The following CACNA1D variants were observed in gnomAD, a reference collection of about 807,000 sequenced individuals.
CACNA1D encodes voltage-dependent L-type calcium channel subunit alpha-1D.
CACNA1D carries 55 observed loss-of-function variants against 257.1 expected under a neutral mutation model. The observed-to-expected ratio is 0.21, with a 90% confidence interval of 0.17 to 0.27. The LOEUF (loss-of-function observed/expected upper bound fraction) is 0.27. Ranked by LOEUF, CACNA1D falls within the 10% of genes least tolerant of loss-of-function variation. The probability of loss-of-function intolerance (pLI) is 1.00; values close to 1 mark genes in which losing one functional copy is unlikely to be tolerated. For missense variants in CACNA1D, 1,876 were observed against 2,784.0 expected, an observed-to-expected ratio of 0.67 and a Z score of 7.34; for synonymous variants, 980 against 1,014.9, an observed-to-expected ratio of 0.97 and a Z score of 0.65.
intron 3 of CACNA1D, among the ~76,000 whole-genome samples, chr3:53,629,257 G>T (rs569898060): frequency 2.2e-4 from 33 of 152,362 alleles, no homozygotes; most frequent in Non-Finnish European, 3.5e-4. Context: ...GTTGAATTTA[G>T]CCCAAGATGG....
At chr3:53,745,241 C>CT (rs59246445) in intron 23 of CACNA1D, among the ~76,000 whole-genome samples, 20,548 of 144,356 alleles carry the variant, frequency 0.14, 2,325 homozygotes, top group African/African-American at 0.32. Flanking sequence ...AGCATTTCTT[C>CT]TTTTTTTTTT....
In CACNA1D at chr3:53,718,345, G is replaced by T; in HGVS notation, c.1435G>T (p.Val479Phe). The change falls in exon 10 of 48, where the codon GTC becomes TTC. Residue 479 changes from valine (V) to phenylalanine (F), a missense_variant. Transcript: ENST00000350061. ...SETESVNTEN[V>F]SGEGENRGCC... is the part of the protein sequence containing the mutation. Reference sequence around the variant, plus strand: ...GACTGAGTCTGTGAACACAGAGAACGTCAGCGGTGAAGGCGAGAACCGAGG... The same window carrying T: ...GACTGAGTCTGTGAACACAGAGAACTTCAGCGGTGAAGGCGAGAACCGAGG... 1 of 1,614,210 alleles carries T rather than the reference G, an allele frequency of 6.2e-7. No individual in the cohort carries two copies. The highest frequency in any genetic ancestry group is 8.5e-7 in the Non-Finnish European group (1 of 1,180,016).
intron 8 of CACNA1D, 60 bp from the exon 9 acceptor site, chr3:53,702,581 C>G (rs760539373): frequency 1.5e-4 from 239 of 1,558,760 alleles, no homozygotes; most frequent in Non-Finnish European, 2.0e-4. Context: ...AGGGCAGTGG[C>G]TCAGGATGCA....
chr3:53,761,930 CT>C (rs1263558866), intron 29 of CACNA1D, 67 bp from the exon 30 acceptor site: 12 of 1,129,236 alleles, frequency 1.1e-5, no homozygotes, highest in South Asian at 7.4e-5. Context: ...GGATTCGCCC[CT>C]ATACGGTCCG....
chr3:53,778,574 A>T (rs79221851), intron 37 of CACNA1D, among the ~76,000 whole-genome samples: 5,831 of 152,346 alleles, frequency 0.038, 171 homozygotes, highest in Middle Eastern at 0.099. Flanking sequence ...AAATATTATC[A>T]ACATCACCAT....
At chr3:53,627,520 A>G (rs1576148870) in intron 3 of CACNA1D, among the ~76,000 whole-genome samples, 1 of 144,852 alleles carries the variant, frequency 6.9e-6, no homozygotes, top group Non-Finnish European at 1.5e-5. Context: ...TAGGAAGGGG[A>G]CCTCCCTCTA....
intron 22 of CACNA1D, among the ~76,000 whole-genome samples, chr3:53,744,463 G>A (rs967319527): frequency 5.3e-5 from 8 of 152,204 alleles, no homozygotes; most frequent in African/African-American, 1.9e-4. Flanking sequence ...TGAGTGGAAA[G>A]AACAAAGAGA....
intron 40 of CACNA1D, chr3:53,799,933 CA>C (rs112246659): frequency 5.1e-5 from 21 of 411,410 alleles, no homozygotes; most frequent in African/African-American, 3.7e-4. Flanking sequence ...GTCACTGAGA[CA>C]GGGGCATAAG....
intron 29 of CACNA1D, among the ~76,000 whole-genome samples, chr3:53,754,441 C>T (rs2095249294): frequency 6.6e-6 from 1 of 152,218 alleles, no homozygotes; most frequent in African/African-American, 2.4e-5. Flanking sequence ...TTCCCTGCGC[C>T]TCGACTTCCT....
At chr3:53,769,845 T>G (rs1394638346) in intron 30 of CACNA1D, 128 bp from the exon 31 acceptor site, 9 of 801,760 alleles carry the variant, frequency 1.1e-5, no homozygotes, top group Non-Finnish European at 2.0e-5. Context: ...TGGTATTTTC[T>G]CAGGGAGGGA....
At chr3:53,571,860 A>T (rs1045713534) in intron 3 of CACNA1D, among the ~76,000 whole-genome samples, 1 of 152,218 alleles carries the variant, frequency 6.6e-6, no homozygotes, top group East Asian at 1.9e-4. Flanking sequence ...TCGGTAGGAC[A>T]GTCCAAACCA....
intron 3 of CACNA1D, among the ~76,000 whole-genome samples, chr3:53,539,103 A>AT (rs1048214916): frequency 0.014 from 2,101 of 147,360 alleles, 37 homozygotes; most frequent in African/African-American, 0.048. Context: ...TGCTTCCTGA[A>AT]TTTTTTTTTT....
At chr3:53,764,075 G>A (rs1559645649) in intron 30 of CACNA1D, among the ~76,000 whole-genome samples, 1 of 152,126 alleles carries the variant, frequency 6.6e-6, no homozygotes, top group Non-Finnish European at 1.5e-5. Flanking sequence ...GCTATGACCA[G>A]GCACTCAGAT....
chr3:53,749,261 T>C lies in CACNA1D; in HGVS notation c.3315-7T>C. 1.2e-6 allele frequency: 2 copies of C among 1,611,404 alleles called. No homozygotes were observed. The highest frequency in any genetic ancestry group is 1.7e-6 in the Non-Finnish European group (2 of 1,177,660). ...GGCAGGTCCTCACTTGGTTTTTCTC[T>C]CTCTAGGTTGCTGTATAAAGCCATC... On this transcript the variant is annotated splice_region_variant and splice_polypyrimidine_tract_variant and intron_variant, in intron 26 of 47. Transcript: ENST00000350061.
intron 3 of CACNA1D, among the ~76,000 whole-genome samples, chr3:53,567,998 G>C (rs989043475): frequency 2.0e-5 from 3 of 152,174 alleles, no homozygotes; most frequent in Admixed American, 6.5e-5. Flanking sequence ...CTTGCCTCAC[G>C]ACTCTAAATA....
At chr3:53,650,948 G>A (rs781685289) in intron 4 of CACNA1D, 30 bp downstream of exon 4, 1 of 1,545,778 alleles carries the variant, frequency 6.5e-7, no homozygotes, top group Non-Finnish European at 8.9e-7. Flanking sequence ...GGGAAATGTT[G>A]ATTTGGAAAA....
chr3:53,701,139 A>G (rs1199417935), intron 8 of CACNA1D, among the ~76,000 whole-genome samples: 8 of 150,222 alleles, frequency 5.3e-5, no homozygotes, highest in Admixed American at 4.0e-4. Flanking sequence ...TGTTGTTGTT[A>G]TTATTATTAT....
intron 29 of CACNA1D, among the ~76,000 whole-genome samples, chr3:53,756,138 A>G (rs990048645): frequency 6.6e-6 from 1 of 152,222 alleles, no homozygotes; most frequent in African/African-American, 2.4e-5. Flanking sequence ...GCTTCATAAA[A>G]TAAGTATAGA....
intron 37 of CACNA1D, 48 bp downstream of exon 37, chr3:53,777,004 C>T (rs1044430174): frequency 7.1e-7 from 1 of 1,404,794 alleles, no homozygotes; most frequent in African/African-American, 1.4e-5. Flanking sequence ...TAGAAGCTTG[C>T]TTCATTTAAC....
Sources: gnomAD v4.1 joint callset for allele counts (sites outside exome capture counted in the v4.1 genomes callset) on GRCh38, gnomAD v4.1.1 for gene constraint, MANE v1.5 for transcripts, NCBI Gene and HGNC (gene_info 2026-07-23, HGNC 2026-07-21) for gene names.